Variants in RNF141 observed in about 807,000 individuals in gnomAD.
The protein encoded by RNF141 is C3HC4-like zinc finger protein.
In RNF141, 18 loss-of-function variants were observed where a neutral mutation model predicts 27.4. The ratio of observed to expected loss-of-function variants is 0.66; its 90% confidence interval spans 0.45 to 0.97. RNF141 has a LOEUF of 0.97. RNF141 is among the 50% of genes least tolerant of loss of function. The pLI, the probability that RNF141 is intolerant of heterozygous loss-of-function variation, is 0.00. For missense variants in RNF141, 230 were observed against 279.4 expected (o/e 0.82, Z 1.26); for synonymous variants, 97 against 96.6 (o/e 1.00, Z -0.02).
At chr11:10,530,154 T>C in intron 3 of RNF141, among the ~76,000 whole-genome samples, 1 of 152,192 alleles carries the variant, frequency 6.6e-6, no homozygotes, top group African/African-American at 2.4e-5. Flanking sequence ...TACTCAGTGG[T>C]GGTTGAGGCT....
intron 2 of RNF141, among the ~76,000 whole-genome samples, chr11:10,533,399 T>C (rs79453359): frequency 0.019 from 2,853 of 152,186 alleles, 87 homozygotes; most frequent in African/African-American, 0.063. Flanking sequence ...TTTAGAAATT[T>C]AGTCAAAGAG....
At chr11:10,519,266 G>T in intron 4 of RNF141, 125 bp from the exon 5 acceptor site, 1 of 616,620 alleles carries the variant, frequency 1.6e-6, no homozygotes, top group Non-Finnish European at 2.6e-6. Flanking sequence ...TATGACTCAT[G>T]TGCAAAATCA....
At chr11:10,521,878 C>T (rs1849890452) in intron 4 of RNF141, among the ~76,000 whole-genome samples, 2 of 152,136 alleles carry the variant, frequency 1.3e-5, no homozygotes, top group South Asian at 4.1e-4. Context: ...GAGATAATCT[C>T]ATCCTTAAAT....
intron 1 of RNF141, among the ~76,000 whole-genome samples, chr11:10,535,672 A>G (rs897557780): frequency 7.9e-5 from 12 of 152,186 alleles, no homozygotes; most frequent in Non-Finnish European, 1.8e-4. Flanking sequence ...CTAAGCAAGG[A>G]CAGTTTCCAA....
chr11:10,523,831 C>A (rs372735771), intron 4 of RNF141, among the ~76,000 whole-genome samples: 4,399 of 152,204 alleles, frequency 0.029, 90 homozygotes, highest in Middle Eastern at 0.058. Flanking sequence ...AACAATTAAA[C>A]AAAACAACAA....
chr11:10,528,353 G>A (rs1245266696), intron 3 of RNF141, among the ~76,000 whole-genome samples: 1 of 152,118 alleles, frequency 6.6e-6, no homozygotes, highest in East Asian at 1.9e-4. Flanking sequence ...AATTTCTTTA[G>A]AGTAGCTCTA....
chr11:10,530,727 C>T lies in RNF141; in HGVS notation c.168G>A (p.Gln56=). 1.2e-6 allele frequency: 2 copies of T among 1,607,442 alleles called. No homozygotes were observed. The highest frequency in any genetic ancestry group is 1.7e-6 in the Non-Finnish European group (2 of 1,176,206). Residue 56 remains glutamine (Q), a synonymous_variant, in exon 3 of 6, where the codon CAG becomes CAA. Coordinates refer to ENST00000265981, the MANE Select transcript of RNF141 (RefSeq NM_016422.4). ...GTACCTCAAAGAGAAGATGTTTTTCCTGGCCAGAAGCCACTTTAGCCGTTC... is the reference window on the plus strand; with the variant it reads ...GTACCTCAAAGAGAAGATGTTTTTCTTGGCCAGAAGCCACTTTAGCCGTTC... ...NDVTAKVASG[Q]EKHLLFEVQP...
intron 4 of RNF141, among the ~76,000 whole-genome samples, chr11:10,524,166 G>A (rs10840432): frequency 0.26 from 39,206 of 152,154 alleles, 5,683 homozygotes; most frequent in Middle Eastern, 0.36. Flanking sequence ...TGTAATCCCA[G>A]CACTCTGGGA....
In RNF141 at chr11:10,530,639, T is replaced by C. The variant is rs752560195; in HGVS notation, c.252+4A>G. Reference sequence around the variant, plus strand: ...TCAGAGGTAGAAGTCTCCATCAGTCTCACCTTGGTACAGACCACCCGTACA... The same window carrying C: ...TCAGAGGTAGAAGTCTCCATCAGTCCCACCTTGGTACAGACCACCCGTACA... On this transcript the variant is annotated splice_donor_region_variant and intron_variant, in intron 3 of 5. Coordinates refer to ENST00000265981, the MANE Select transcript of RNF141 (RefSeq NM_016422.4). 1.9e-6 allele frequency: 3 copies of C among 1,559,584 alleles called. No individual in the cohort carries two copies. In the Admixed American group the frequency reaches 5.2e-5, roughly 27 times the overall value.
chr11:10,519,034 C>A lies in RNF141; in HGVS notation c.542G>T (p.Trp181Leu). ...HSFCQKCIDK[W>L]SDRHRNCPIC... The stretch of plus-strand genomic sequence containing the variant: ...CCCATGAATGCAGTAGGTAACTTAC[C>A]ATTTATCAATACACTTCTGACAAAA... The change falls in exon 5 of 6, where the codon TGG becomes TTG. Residue 181 changes from tryptophan (W) to leucine (L), a missense_variant and splice_region_variant. Physicochemically the swap from Trp to Leu is moderately conservative, Grantham distance 61 (BLOSUM62 -2). Coordinates refer to ENST00000265981, the MANE Select transcript of RNF141 (RefSeq NM_016422.4). 1 of 1,613,100 alleles carries A rather than the reference C, an allele frequency of 6.2e-7. No individual in the cohort carries two copies. Among genetic ancestry groups the A allele is most frequent in the Non-Finnish European group, 8.5e-7 (1 of 1,179,232 alleles).
intron 4 of RNF141, among the ~76,000 whole-genome samples, chr11:10,520,521 A>G (rs981943035): frequency 6.6e-6 from 1 of 152,212 alleles, no homozygotes; most frequent in African/African-American, 2.4e-5. Context: ...TTTGATAACA[A>G]TGCCTTCTGG....
intron 3 of RNF141, among the ~76,000 whole-genome samples, chr11:10,527,911 T>C (rs1410774620): frequency 3.3e-5 from 5 of 152,152 alleles, no homozygotes; most frequent in South Asian, 2.1e-4. Context: ...AGGACTCACT[T>C]ACAGATTGTC....
At chr11:10,515,177 T>C (rs6484344) in intron 5 of RNF141, 111 bp from the exon 6 acceptor site, 610,606 of 1,195,892 alleles carry the variant, frequency 0.51, 160,210 homozygotes, top group East Asian at 0.63. Context: ...CATAGAAATA[T>C]ATAGTGAAAA....
intron 4 of RNF141, among the ~76,000 whole-genome samples, chr11:10,523,906 G>C (rs1372232470): frequency 2.6e-5 from 4 of 152,102 alleles, no homozygotes; most frequent in Admixed American, 2.0e-4. Context: ...ACAGAATACA[G>C]GAAAGACAAG....
At chr11:10,517,021 CA>C (rs1849848326) in intron 5 of RNF141, 1 of 151,898 alleles carries the variant, frequency 6.6e-6, no homozygotes, top group Non-Finnish European at 1.5e-5. Context: ...AAAAAAGCAG[CA>C]GAAAAATATA....
In RNF141 at chr11:10,514,667, G is replaced by A. The variant is rs923561776; in HGVS notation, c.*249C>T. The A allele has an allele frequency of 3.7e-5, 13 of 348,828 alleles. No individual in the cohort carries two copies. Among genetic ancestry groups the A allele is most frequent in the Non-Finnish European group, 6.1e-5 (12 of 195,714 alleles). The allele number at this position is 348,828 out of a possible 1,614,324, so 21.6% of individuals were successfully genotyped here. ...GCAAAGAATTCAAGAGCTATTAGTT[G>A]TAATAATACAAATTTGAACAGATAA... On this transcript the variant is annotated 3_prime_UTR_variant, in exon 6 of 6. Coordinates refer to ENST00000265981, the MANE Select transcript of RNF141 (RefSeq NM_016422.4).
chr11:10,514,688 GATAA>G lies in RNF141; in HGVS notation c.*224_*227del. 3 of 414,402 alleles carry G rather than the reference GATAA, an allele frequency of 7.2e-6. No homozygotes were observed. The highest frequency in any genetic ancestry group is 4.4e-5 in the Admixed American group (1 of 22,690). The allele number at this position is 414,402 out of a possible 1,614,324, so 25.7% of individuals were successfully genotyped here. On this transcript the variant is annotated 3_prime_UTR_variant, in exon 6 of 6. Coordinates refer to ENST00000265981, the MANE Select transcript of RNF141 (RefSeq NM_016422.4). The stretch of plus-strand genomic sequence containing the variant: ...AGTTGTAATAATACAAATTTGAACA[GATAA>G]ATAATAGGAAAATATGGTCTAAAAC...
At chr11:10,515,819 T>C (rs1326765029) in intron 5 of RNF141, 2 of 152,184 alleles carry the variant, frequency 1.3e-5, no homozygotes, top group African/African-American at 4.8e-5. Context: ...CAGGAAGACT[T>C]ATATAAAAAT....
intron 1 of RNF141, among the ~76,000 whole-genome samples, chr11:10,537,177 T>C (rs1480544613): frequency 6.6e-6 from 1 of 152,152 alleles, no homozygotes; most frequent in Admixed American, 6.5e-5. Flanking sequence ...CATCCAGAAG[T>C]GGAAATGGCT....
Sources: gnomAD v4.1 joint callset for allele counts (sites outside exome capture counted in the v4.1 genomes callset) on GRCh38, gnomAD v4.1.1 for gene constraint, MANE v1.5 for transcripts, NCBI Gene and HGNC (gene_info 2026-07-23, HGNC 2026-07-21) for gene names.